The following MMP3 variants were observed in gnomAD, a reference collection of about 807,000 sequenced individuals.
MMP3 encodes stromelysin-1.
A neutral mutation model predicts 47.3 loss-of-function variants in MMP3; 46 were observed. The observed-to-expected ratio is 0.97, with a 90% CI of 0.77 to 1.24. The LOEUF (loss-of-function observed/expected upper bound fraction) is 1.24. Ranked by LOEUF, MMP3 falls within the 50% of genes most tolerant of loss-of-function variation. MMP3 has a pLI of 0.00. For missense variants in MMP3, 558 were observed against 565.5 expected, an observed-to-expected ratio of 0.99 and a Z score of 0.13; for synonymous variants, 216 against 206.5, an observed-to-expected ratio of 1.05 and a Z score of -0.39.
In MMP3 at chr11:102,842,223, C is replaced by A; in HGVS notation, c.556G>T (p.Ala186Ser). 1 of 1,612,584 alleles carries A rather than the reference C, an allele frequency of 6.2e-7. No individual in the cohort carries two copies. Among genetic ancestry groups the A allele is most frequent in the Non-Finnish European group, 8.5e-7 (1 of 1,179,334 alleles). Residue 186 changes from alanine (A) to serine (S), a missense_variant, in exon 4 of 10, where the codon GCC becomes TCC. Ala to Ser is a moderately conservative substitution (Grantham distance 99, BLOSUM62 1). Coordinates refer to ENST00000299855, the MANE Select transcript of MMP3 (RefSeq NM_002422.5). The part of the protein sequence containing the change: ...GPGNVLAHAY[A>S]PGPGINGDAH... ...TCTCCATTAATCCCTGGCCCAGGGG[C>A]ATAGGCATGGGCCAAAACATTTCCA...
intron 7 of MMP3, 99 bp from the exon 8 acceptor site, chr11:102,838,809 T>C (rs1858936459): frequency 7.3e-7 from 1 of 1,360,902 alleles, no homozygotes; most frequent in Non-Finnish European, 9.9e-7. Flanking sequence ...CATGGTAAAG[T>C]AGTAGCCCAA....
In MMP3 at chr11:102,836,175, G is replaced by C. The variant is rs1555004517; in HGVS notation, c.1385C>G (p.Ala462Gly). 1 of 1,613,932 alleles carries C rather than the reference G, an allele frequency of 6.2e-7. No individual in the cohort carries two copies. The highest frequency in any genetic ancestry group is 1.7e-5 in the Admixed American group (1 of 60,008). Residue 462 changes from alanine to glycine, a missense_variant, in exon 10 of 10, where the codon GCA becomes GGA. By Grantham distance (60) the Ala-to-Gly change is moderately conservative (BLOSUM62 0). Transcript: ENST00000299855. This position sits in a 1 kb window ranked among gnomAD's most constrained non-coding sequence, Gnocchi z 4.6. ...GSSQLEFDPN[A>G]KKVTHTLKSN... ...CTTCAAAGTGTGTGTCACTTTCTTT[G>C]CATTTGGGTCAAACTCCAACTGTGA...
Position 102,842,216 on chromosome 11 carries a change from C to G in MMP3, c.563G>C (p.Gly188Ala). 6.2e-7 allele frequency: 1 copy of G among 1,612,736 alleles called. No homozygotes were observed. The highest frequency in any genetic ancestry group is 1.1e-5 in the South Asian group (1 of 90,808). Residue 188 changes from glycine to alanine, a missense_variant, in exon 4 of 10, where the codon GGG (glycine) becomes GCG (alanine). Coordinates refer to ENST00000299855, the MANE Select transcript of MMP3 (RefSeq NM_002422.5). Reference protein sequence around the residue: ...GNVLAHAYAPGPGINGDAHFD... With the variant: ...GNVLAHAYAPAPGINGDAHFD... The stretch of plus-strand genomic sequence containing the variant: ...GTGGGCATCTCCATTAATCCCTGGC[C>G]CAGGGGCATAGGCATGGGCCAAAAC...
At position 102,837,653 on chromosome 11, in the gene MMP3, A is replaced by T. The variant is rs1858907744; in HGVS notation, c.1230-252T>A. On this transcript the variant is annotated intron_variant, in intron 8 of 9. Transcript: ENST00000299855. The surrounding 1 kb of genome is among the most constrained non-coding windows in gnomAD (Gnocchi z 4.4). ...CATGCTGTTTGTCATCATATTTCTT[A>T]AGCCTGGACAGAAAGAACCTTAATC... is the stretch of plus-strand genomic sequence containing the variant. Among the ~76,000 whole-genome samples, 1 of 152,148 alleles carries T rather than the reference A, an allele frequency of 6.6e-6. No homozygotes were observed. Among genetic ancestry groups the T allele is most frequent in the Admixed American group, 6.5e-5 (1 of 15,278 alleles).
At chr11:102,838,810 A>C (rs1555004993) in intron 7 of MMP3, 100 bp from the exon 8 acceptor site, 2 of 1,356,382 alleles carry the variant, frequency 1.5e-6, no homozygotes, top group Non-Finnish European at 2.0e-6. Flanking sequence ...ATGGTAAAGT[A>C]GTAGCCCAAA....
Position 102,839,257 on chromosome 11 carries a change from A to T in MMP3, c.936-14T>A, listed in dbSNP as rs1555005082. Reference sequence around the variant, plus strand: ...CGCCAAAAGTGCCTAAAATATATGTAAAAAGAAATGTAAATTGAAAAACAA... The same window carrying T: ...CGCCAAAAGTGCCTAAAATATATGTTAAAAGAAATGTAAATTGAAAAACAA... On this transcript the variant is annotated splice_polypyrimidine_tract_variant and intron_variant, in intron 6 of 9. Coordinates refer to ENST00000299855, the MANE Select transcript of MMP3 (RefSeq NM_002422.5). 6.2e-7 allele frequency: 1 copy of T among 1,613,068 alleles called. No individual in the cohort carries two copies. The highest frequency in any genetic ancestry group is 8.5e-7 in the Non-Finnish European group (1 of 1,179,666).
chr11:102,842,181 C>T lies in MMP3; in HGVS notation c.598G>A (p.Asp200Asn). ...GINGDAHFDD[D>N]EQWTKDTTGT... is the part of the protein sequence containing the mutation. ...GTTGTATCCTTTGTCCATTGTTCAT[C>T]ATCATCAAAGTGGGCATCTCCATTA... is the stretch of plus-strand genomic sequence containing the variant. Residue 200 changes from aspartate (D) to asparagine (N), a missense_variant, in exon 4 of 10, where the codon GAT becomes AAT. Coordinates refer to ENST00000299855, the MANE Select transcript of MMP3 (RefSeq NM_002422.5). 4.3e-6 allele frequency: 7 copies of T among 1,610,748 alleles called. No homozygotes were observed. Among genetic ancestry groups the T allele is most frequent in the Non-Finnish European group, 5.1e-6 (6 of 1,178,416 alleles).
Position 102,842,428 on chromosome 11 carries a change from T to TTTTTTAA in MMP3, c.499+2_499+3insTTAAAAA. ...GCTTTTTTTTTTTTTTTTTTTTTTTTACCTCTAACTGCAAAAGAGATCATT... is the reference window on the plus strand; with the variant it reads ...GCTTTTTTTTTTTTTTTTTTTTTTTTTTTTTAAACCTCTAACTGCAAAAGAGATCATT... On this transcript the variant is annotated splice_region_variant and intron_variant, in intron 3 of 9. Transcript: ENST00000299855. 7.9e-7 allele frequency: 1 copy of TTTTTTAA among 1,268,834 alleles called. No individual in the cohort carries two copies. The highest frequency in any genetic ancestry group is 1.1e-6 in the Non-Finnish European group (1 of 907,648). 78.6% of individuals were successfully genotyped at this position (1,268,834 alleles called of 1,614,324 possible). A position where few individuals can be genotyped will look rare whatever the true frequency, so the allele number is the denominator to read the frequency against.
rs551732412 is a variant in MMP3 at position 102,836,878 on chromosome 11, CAG to C, written c.1333+418_1333+419del. 560 of 208,612 alleles carry C rather than the reference CAG, an allele frequency of 2.7e-3. 4 individuals are homozygous for C. Among genetic ancestry groups the C allele is most frequent in the African/African-American group, 0.012 (514 of 42,418 alleles). 12.9% of individuals were successfully genotyped at this position (208,612 alleles called of 1,614,324 possible). On this transcript the variant is annotated intron_variant, in intron 9 of 9. Transcript: ENST00000299855. This position sits in a 1 kb window ranked among gnomAD's most constrained non-coding sequence, Gnocchi z 4.6. ...GCAATGACTGACAACTCAGGAAAGA[CAG>C]ACAAAAAATCTCCCTGGGAATTAGT...
At position 102,836,158 on chromosome 11, in the gene MMP3, T is replaced by C; in HGVS notation, c.1402A>G (p.Thr468Ala). ...TTAAGCCAGCTGTTACTCTTCAAAG[T>C]GTGTGTCACTTTCTTTGCATTTGGG... ...FDPNAKKVTHTLKSNSWLNC is the reference protein window; with the variant it reads ...FDPNAKKVTHALKSNSWLNC The change falls in exon 10 of 10, where the codon ACT becomes GCT. Residue 468 changes from threonine (T) to alanine (A), a missense_variant. Physicochemically the swap from Thr to Ala is moderately conservative, Grantham distance 58. Coordinates refer to ENST00000299855, the MANE Select transcript of MMP3 (RefSeq NM_002422.5). The surrounding 1 kb of genome is among the most constrained non-coding windows in gnomAD (Gnocchi z 4.6). The C allele has an allele frequency of 6.2e-7, 1 of 1,613,998 alleles. No individual in the cohort carries two copies. The highest frequency in any genetic ancestry group is 8.5e-7 in the Non-Finnish European group (1 of 1,179,886).
rs1207239397 is a variant in MMP3, at chr11:102,837,455, C to T, written c.1230-54G>A. 4 of 1,251,608 alleles carry T rather than the reference C, an allele frequency of 3.2e-6. No homozygotes were observed. Among genetic ancestry groups the T allele is most frequent in the Non-Finnish European group, 4.6e-6 (4 of 865,558 alleles). The allele number at this position is 1,251,608 out of a possible 1,614,324, so 77.5% of individuals were successfully genotyped here. On this transcript the variant is annotated intron_variant, in intron 8 of 9. Coordinates refer to ENST00000299855, the MANE Select transcript of MMP3 (RefSeq NM_002422.5). The surrounding 1 kb of genome is among the most constrained non-coding windows in gnomAD (Gnocchi z 4.4). ...ATTGCATAGAGGCCATGTTACCGAA[C>T]ATCTTAGATCATGTTAGGTTTAATG...
In MMP3 at chr11:102,842,564, T is replaced by C. The variant is rs781838842; in HGVS notation, c.366A>G (p.Thr122=). Reference sequence around the variant, plus strand: ...CAACAGCATCTTTTGGCAAATCTGGTGTATAATTCACAATCCTGTAGGAGA... The same window carrying C: ...CAACAGCATCTTTTGGCAAATCTGGCGTATAATTCACAATCCTGTAGGAGA... ...THLTYRIVNY[T]PDLPKDAVDS... is the part of the protein sequence containing the mutation. The change falls in exon 3 of 10, where the codon ACA becomes ACG. Residue 122 remains threonine, a synonymous_variant. Coordinates refer to ENST00000299855, the MANE Select transcript of MMP3 (RefSeq NM_002422.5). 11 of 1,613,872 alleles carry C rather than the reference T, an allele frequency of 6.8e-6. No individual in the cohort carries two copies. In the South Asian group the frequency reaches 7.7e-5, roughly 11 times the overall value.
chr11:102,843,119 G>A (rs1054272842), intron 1 of MMP3, among the ~76,000 whole-genome samples: 1 of 150,976 alleles, frequency 6.6e-6, no homozygotes, highest in Admixed American at 6.6e-5. Flanking sequence ...AAAAACTGAA[G>A]CTGTTCCAAA....
chr11:102,840,064 A>T, intron 6 of MMP3, 44 bp downstream of exon 6: 1 of 1,567,670 alleles, frequency 6.4e-7, no homozygotes, highest in Non-Finnish European at 8.7e-7. Flanking sequence ...CTTTCTAAAC[A>T]TTGTAGATTA....
Position 102,836,025 on chromosome 11 carries a change from G to A in MMP3, c.*101C>T. 6 of 882,414 alleles carry A rather than the reference G, an allele frequency of 6.8e-6. No homozygotes were observed. The highest frequency in any genetic ancestry group is 1.1e-5 in the Non-Finnish European group (6 of 544,776). The allele number at this position is 882,414 out of a possible 1,614,324, so 54.7% of individuals were successfully genotyped here. ...TCCCTTGAGTGTGACTCGAGTCACA[G>A]CACAGGCAGGAGAAAACGAACATTT... On this transcript the variant is annotated 3_prime_UTR_variant, in exon 10 of 10. Coordinates refer to ENST00000299855, the MANE Select transcript of MMP3 (RefSeq NM_002422.5). The surrounding 1 kb of genome is among the most constrained non-coding windows in gnomAD (Gnocchi z 4.6).
At position 102,843,299 on chromosome 11, in the gene MMP3, C is replaced by T. The variant is rs1859043955; in HGVS notation, c.105+143G>A. On this transcript the variant is annotated intron_variant, in intron 1 of 9. Coordinates refer to ENST00000299855, the MANE Select transcript of MMP3 (RefSeq NM_002422.5). ...TGGTGTGATAATGAGACCTTTTCCA[C>T]TTCCAACACTCTATAACTCTCTATT... 9 of 659,754 alleles carry T rather than the reference C, an allele frequency of 1.4e-5. No individual in the cohort carries two copies. In the South Asian group the frequency reaches 1.5e-4, roughly 11 times the overall value. The allele number at this position is 659,754 out of a possible 1,614,324, so 40.9% of individuals were successfully genotyped here.
In MMP3 at chr11:102,836,326, GT is replaced by G; in HGVS notation, c.1334-101del. 1 of 900,664 alleles carries G rather than the reference GT, an allele frequency of 1.1e-6. No individual in the cohort carries two copies. Among genetic ancestry groups the G allele is most frequent in the Non-Finnish European group, 1.8e-6 (1 of 556,364 alleles). 55.8% of individuals were successfully genotyped at this position (900,664 alleles called of 1,614,324 possible). ...TCATAGAGAACTAAAAATAGAAAGTGTTTATAGAGCTTTACTTTATGTCAGG... is the reference window on the plus strand; with the variant it reads ...TCATAGAGAACTAAAAATAGAAAGTGTTATAGAGCTTTACTTTATGTCAGG... On this transcript the variant is annotated intron_variant, in intron 9 of 9. Coordinates refer to ENST00000299855, the MANE Select transcript of MMP3 (RefSeq NM_002422.5). This position sits in a 1 kb window ranked among gnomAD's most constrained non-coding sequence, Gnocchi z 4.6.
Position 102,838,589 on chromosome 11 carries a change from C to A in MMP3, c.1191G>T (p.Lys397Asn), listed in dbSNP as rs981991768. The A allele has an allele frequency of 2.5e-6, 4 of 1,613,678 alleles. No homozygotes were observed. The highest frequency in any genetic ancestry group is 3.4e-6 in the Non-Finnish European group (4 of 1,179,932). The change falls in exon 8 of 10, where the codon AAG (lysine) becomes AAT (asparagine). Residue 397 changes from lysine to asparagine, a missense_variant. Physicochemically the swap from Lys to Asn is moderately conservative, Grantham distance 94. Coordinates refer to ENST00000299855, the MANE Select transcript of MMP3 (RefSeq NM_002422.5). ...KIDAAISDKE[K>N]NKTYFFVEDK... ...CCTCTACAAAGAAATATGTTTTGTT[C>A]TTTTCCTTATCAGAAATGGCTGCAT...
chr11:102,843,535 A>T lies in MMP3; in HGVS notation c.12T>A (p.Leu4=), dbSNP rs144383864. 607 of 1,613,000 alleles carry T rather than the reference A, an allele frequency of 3.8e-4. 1 individual carries two copies. Among genetic ancestry groups the T allele is most frequent in the Admixed American group, 5.5e-4 (33 of 59,902 alleles). ...CCACGCACAGCAACAGTAGGATTGG[A>T]AGACTCTTCATTTCCACTGGCTTTA... MKS[L]PILLLLCVAV... is the part of the protein sequence containing the mutation. Residue 4 remains leucine, a synonymous_variant, in exon 1 of 10, where the codon CTT becomes CTA. Coordinates refer to ENST00000299855, the MANE Select transcript of MMP3 (RefSeq NM_002422.5).
Sources: gnomAD v4.1 joint callset for allele counts (sites outside exome capture counted in the v4.1 genomes callset) on GRCh38, gnomAD v4.1.1 for gene constraint, Gnocchi (gnomAD v3.1) non-coding constraint, MANE v1.5 for transcripts, NCBI Gene and HGNC (gene_info 2026-07-23, HGNC 2026-07-21) for gene names.